GPC5: variants seen among roughly 807,000 people sequenced by gnomAD.
GPC5 encodes the protein glypican 5.
GPC5 carries 47 observed loss-of-function variants against 53.9 expected under a neutral mutation model. The ratio of observed to expected loss-of-function variants is 0.87; its 90% CI spans 0.69 to 1.11. The LOEUF is 1.11. Ranked by LOEUF, GPC5 falls within the 50% of genes most tolerant of loss-of-function variation. The pLI, the probability that GPC5 is intolerant of heterozygous loss-of-function variation, is 0.00. For synonymous variants in GPC5, 286 were observed against 263.3 expected (o/e 1.09, Z -0.84); for missense variants, 748 against 713.1 (o/e 1.05, Z -0.56).
intron 7 of GPC5, among the ~76,000 whole-genome samples, chr13:92,406,652 T>A (rs958557209): frequency 2.0e-5 from 3 of 152,210 alleles, no homozygotes; most frequent in Admixed American, 2.0e-4. Flanking sequence ...CATATCATGT[T>A]TACTCAAAAA....
intron 5 of GPC5, among the ~76,000 whole-genome samples, chr13:91,867,085 C>A (rs917365903): frequency 2.6e-5 from 4 of 152,182 alleles, no homozygotes; most frequent in Non-Finnish European, 4.4e-5. Context: ...CATGGTGGCA[C>A]ATGCCTGTAA....
intron 7 of GPC5, among the ~76,000 whole-genome samples, chr13:92,381,897 A>ATATCATAT (rs1218262542): frequency 0.028 from 2,784 of 101,026 alleles, 190 homozygotes; most frequent in African/African-American, 0.03. Flanking sequence ...TATTATATAT[A>ATATCATAT]ATCATATATA....
chr13:92,665,689 A>G (rs1184524876), intron 7 of GPC5, among the ~76,000 whole-genome samples: 4 of 152,200 alleles, frequency 2.6e-5, no homozygotes, highest in Non-Finnish European at 5.9e-5. Flanking sequence ...ACTGAAAATT[A>G]TGGTTCCATT....
chr13:91,963,973 T>C (rs1298274183), intron 6 of GPC5, among the ~76,000 whole-genome samples: 1 of 152,198 alleles, frequency 6.6e-6, no homozygotes, highest in Non-Finnish European at 1.5e-5. Context: ...CTCAGGGATC[T>C]AAAATTAGAA....
At chr13:92,466,392 C>A (rs1170180556) in intron 7 of GPC5, among the ~76,000 whole-genome samples, 1 of 151,908 alleles carries the variant, frequency 6.6e-6, no homozygotes, top group Non-Finnish European at 1.5e-5. Flanking sequence ...AAAATCACAA[C>A]CTGAAGTCAT....
chr13:91,616,494 G>C (rs1181696928), intron 2 of GPC5, among the ~76,000 whole-genome samples: 2 of 152,094 alleles, frequency 1.3e-5, no homozygotes, highest in Non-Finnish European at 2.9e-5. Context: ...ATCTCATTAA[G>C]AATGATAATT....
chr13:91,560,915 C>T (rs1432753504), intron 2 of GPC5, among the ~76,000 whole-genome samples: 3 of 152,130 alleles, frequency 2.0e-5, no homozygotes, highest in African/African-American at 7.2e-5. Context: ...TGAAGCCTAG[C>T]TTGTGCCTCC....
At chr13:92,845,050 T>G (rs1395364715) in intron 7 of GPC5, among the ~76,000 whole-genome samples, 2 of 152,092 alleles carry the variant, frequency 1.3e-5, no homozygotes, top group African/African-American at 4.8e-5. Flanking sequence ...TGAGGAAAAC[T>G]GTTGAAATAA....
intron 6 of GPC5, among the ~76,000 whole-genome samples, chr13:91,943,991 G>A (rs1334568673): frequency 6.6e-6 from 1 of 152,008 alleles, no homozygotes; most frequent in Non-Finnish European, 1.5e-5. Context: ...TCCCCACAAT[G>A]AGTGGCAATT....
chr13:92,473,650 T>C (rs61973637), intron 7 of GPC5, among the ~76,000 whole-genome samples: 5,436 of 152,254 alleles, frequency 0.036, 130 homozygotes, highest in Middle Eastern at 0.1. Flanking sequence ...TTAAGTTTTA[T>C]AATTTAGCTT....
chr13:91,882,086 A>C (rs547589449), intron 5 of GPC5, among the ~76,000 whole-genome samples: 1 of 152,290 alleles, frequency 6.6e-6, no homozygotes, highest in South Asian at 2.1e-4. Flanking sequence ...TTCTTTTAAA[A>C]AAGAGATAAT....
At chr13:92,563,240 A>T (rs1882752035) in intron 7 of GPC5, among the ~76,000 whole-genome samples, 3 of 152,006 alleles carry the variant, frequency 2.0e-5, no homozygotes, top group African/African-American at 7.2e-5. Context: ...CTCACGTAAA[A>T]TAAAATAGGA....
chr13:91,544,801 G>C (rs931037216), intron 2 of GPC5, among the ~76,000 whole-genome samples: 1 of 152,156 alleles, frequency 6.6e-6, no homozygotes, highest in African/African-American at 2.4e-5. Flanking sequence ...TGACAGCCAG[G>C]AATATGGGAA....
At chr13:92,103,013 C>G (rs2041479320) in intron 6 of GPC5, among the ~76,000 whole-genome samples, 1 of 152,184 alleles carries the variant, frequency 6.6e-6, no homozygotes. Context: ...AGTGTTACCA[C>G]ACCTGGCTGT....
chr13:91,495,527 C>T (rs1884204164), intron 2 of GPC5, among the ~76,000 whole-genome samples: 2 of 152,244 alleles, frequency 1.3e-5, no homozygotes, highest in Admixed American at 6.5e-5. Flanking sequence ...GTCCCAGCAG[C>T]AGTTACCACC....
intron 7 of GPC5, among the ~76,000 whole-genome samples, chr13:92,706,508 T>A (rs916635154): frequency 1.3e-5 from 2 of 152,086 alleles, no homozygotes; most frequent in African/African-American, 2.4e-5. Flanking sequence ...CAAAGAAGTA[T>A]AGAGCCAGCT....
intron 5 of GPC5, among the ~76,000 whole-genome samples, chr13:91,883,313 G>A (rs1032031247): frequency 2.6e-5 from 4 of 152,164 alleles, no homozygotes; most frequent in Non-Finnish European, 5.9e-5. Context: ...AACCTTAAAG[G>A]TCAGATAGAA....
chr13:92,779,249 A>T (rs560310713), intron 7 of GPC5, among the ~76,000 whole-genome samples: 2 of 152,254 alleles, frequency 1.3e-5, no homozygotes, highest in South Asian at 4.1e-4. Flanking sequence ...TCACAGGAAT[A>T]GTGCAGGAAA....
chr13:91,448,690 C>G, intron 1 of GPC5, 71 bp from the exon 2 acceptor site: 1 of 1,496,704 alleles, frequency 6.7e-7, no homozygotes, highest in South Asian at 1.3e-5. Flanking sequence ...CTGGTCATAA[C>G]GCCTGATATA....
Sources: allele counts gnomAD v4.1 joint callset (sites outside exome capture counted in the v4.1 genomes callset), GRCh38; gene constraint gnomAD v4.1.1; transcripts MANE v1.5; gene names NCBI Gene and HGNC (gene_info 2026-07-23, HGNC 2026-07-21).